The following FBXL13 variants were observed in gnomAD, a reference collection of about 807,000 sequenced individuals.
The protein encoded by FBXL13 is F-box and leucine-rich repeat protein 13.
A neutral mutation model predicts 83.6 loss-of-function variants in FBXL13; 67 were observed. The ratio of observed to expected loss-of-function variants is 0.80; its 90% confidence interval spans 0.66 to 0.98. The LOEUF (loss-of-function observed/expected upper bound fraction) is 0.98, where lower values mean the gene tolerates loss of function less well. Among genes scored for constraint, FBXL13 ranks in the 50% least tolerant of loss-of-function variants. FBXL13 has a pLI of 0.00. For synonymous variants in FBXL13, 272 were observed against 299.5 expected, an observed-to-expected ratio of 0.91 and a Z score of 0.95; for missense variants, 822 against 866.5, an observed-to-expected ratio of 0.95 and a Z score of 0.64.
intron 8 of FBXL13, among the ~76,000 whole-genome samples, chr7:102,950,781 C>T (rs1216856562): frequency 6.6e-6 from 1 of 152,118 alleles, no homozygotes; most frequent in African/African-American, 2.4e-5. Context: ...ATGATTCCAA[C>T]TATATGACAT....
At chr7:102,827,010 T>C in intron 18 of FBXL13, 1 of 375,172 alleles carries the variant, frequency 2.7e-6, no homozygotes, top group Admixed American at 2.5e-5. Flanking sequence ...ACAAATGCTT[T>C]GCAGCTACTG....
intron 1 of FBXL13, among the ~76,000 whole-genome samples, chr7:103,058,559 C>T (rs1296484063): frequency 6.6e-6 from 1 of 152,224 alleles, no homozygotes; most frequent in Non-Finnish European, 1.5e-5. Context: ...GCCTGGGTCT[C>T]CAGAGTACTG....
At chr7:102,959,816 T>G (rs1414005348) in intron 8 of FBXL13, among the ~76,000 whole-genome samples, 1 of 151,966 alleles carries the variant, frequency 6.6e-6, no homozygotes, top group Admixed American at 6.6e-5. Flanking sequence ...GTCCATCAAA[T>G]AGAAGAAGGT....
At chr7:102,905,062 C>T (rs919562909) in intron 11 of FBXL13, among the ~76,000 whole-genome samples, 1 of 151,434 alleles carries the variant, frequency 6.6e-6, no homozygotes, top group Non-Finnish European at 1.5e-5. Flanking sequence ...GATCCATGTC[C>T]TGAGGAAAAG....
chr7:102,856,242 A>G (rs1433295931), intron 16 of FBXL13, among the ~76,000 whole-genome samples: 1 of 152,218 alleles, frequency 6.6e-6, no homozygotes, highest in Non-Finnish European at 1.5e-5. Context: ...GAGCCATCAC[A>G]TGTGGTCTGG....
exon 14 of FBXL13, chr7:102,883,349 T>G: frequency 6.2e-7 from 1 of 1,613,506 alleles, no homozygotes; most frequent in Non-Finnish European, 8.5e-7. Flanking sequence ...GCTTCAAAGG[T>G]GAAAGGGATC....
chr7:103,037,759 A>G (rs758672392), intron 2 of FBXL13, among the ~76,000 whole-genome samples: 8 of 152,050 alleles, frequency 5.3e-5, no homozygotes, highest in Non-Finnish European at 1.2e-4. Flanking sequence ...ATGAACTATG[A>G]TCATGCCACT....
chr7:102,878,458 A>T lies in FBXL13; in HGVS notation c.1389-8T>A, dbSNP rs1809557605. ...AGTCCCATATCACCAATTCTGTAGG[A>T]AAGAGAGAAAAATTTTACATGTGAT... On this transcript the variant is annotated splice_polypyrimidine_tract_variant and splice_region_variant and intron_variant, in intron 14 of 19. Coordinates refer to ENST00000313221, the Ensembl canonical transcript of FBXL13. 6.4e-7 allele frequency: 1 copy of T among 1,561,202 alleles called. No individual in the cohort carries two copies. Among genetic ancestry groups the T allele is most frequent in the African/African-American group, 1.5e-5 (1 of 66,748 alleles).
chr7:103,063,712 C>CTTT (rs34739663), intron 1 of FBXL13, among the ~76,000 whole-genome samples: 1,107 of 101,724 alleles, frequency 0.011, 62 homozygotes, highest in African/African-American at 0.035. Context: ...CAAACTTAGG[C>CTTT]TTTTTTTTTT....
At chr7:102,870,724 G>A (rs1326362818) in intron 16 of FBXL13, among the ~76,000 whole-genome samples, 1 of 152,096 alleles carries the variant, frequency 6.6e-6, no homozygotes, top group Non-Finnish European at 1.5e-5. Context: ...TGGTAGACAG[G>A]GGTTTCTTTA....
chr7:103,062,017 A>G (rs1797963080), intron 1 of FBXL13, among the ~76,000 whole-genome samples: 1 of 121,358 alleles, frequency 8.2e-6, no homozygotes, highest in Non-Finnish European at 1.7e-5. Context: ...CAGAAAAATC[A>G]TAATTACCAA....
At chr7:102,820,741 C>T (rs995342209) in intron 19 of FBXL13, among the ~76,000 whole-genome samples, 5 of 152,204 alleles carry the variant, frequency 3.3e-5, no homozygotes, top group Admixed American at 6.5e-5. Flanking sequence ...CTAGCTCATC[C>T]TTTTATCAGG....
intron 2 of FBXL13, among the ~76,000 whole-genome samples, chr7:103,039,349 A>G (rs1795415180): frequency 6.6e-6 from 1 of 152,364 alleles, no homozygotes; most frequent in East Asian, 1.9e-4. Flanking sequence ...TATACATTTG[A>G]TTGGTGTACT....
chr7:102,901,006 T>G (rs1812900826), intron 11 of FBXL13, among the ~76,000 whole-genome samples: 1 of 152,216 alleles, frequency 6.6e-6, no homozygotes, highest in Admixed American at 6.5e-5. Flanking sequence ...TGCGATTAAG[T>G]GGTAGCAGTC....
chr7:102,841,249 GT>G (rs75520364), intron 17 of FBXL13, among the ~76,000 whole-genome samples: 4,745 of 145,426 alleles, frequency 0.033, 191 homozygotes, highest in East Asian at 0.16. Flanking sequence ...CAATCTGACA[GT>G]TTTTTTTTTT....
intron 11 of FBXL13, among the ~76,000 whole-genome samples, chr7:102,912,410 A>G (rs1265947130): frequency 2.0e-5 from 3 of 152,194 alleles, no homozygotes; most frequent in Non-Finnish European, 4.4e-5. Flanking sequence ...AAGTTAAAAG[A>G]ATTATGGCTT....
intron 6 of FBXL13, among the ~76,000 whole-genome samples, chr7:102,980,216 AC>A (rs1828020265): frequency 6.6e-6 from 1 of 152,256 alleles, no homozygotes; most frequent in African/African-American, 2.4e-5. Flanking sequence ...TTGAAAACTT[AC>A]TACAAAGATA....
rs765280654 is a variant in FBXL13, at chr7:102,926,342, G to A, written c.810C>T (p.Cys270=). 6.2e-6 allele frequency: 10 copies of A among 1,613,726 alleles called. No homozygotes were observed. In the African/African-American group the frequency reaches 1.2e-4, roughly 19 times the overall value. The change falls in exon 10 of 20, where the codon TGC becomes TGT. Residue 270 remains cysteine (C), a synonymous_variant. Transcript: ENST00000313221. ...ACAGATTGAGACACAGGACCCCCGGGCAGCCCTCAGAAATGTGTCTCATTG... is the reference window on the plus strand; with the variant it reads ...ACAGATTGAGACACAGGACCCCCGGACAGCCCTCAGAAATGTGTCTCATTG...
At chr7:103,052,069 G>A (rs972318422) in intron 2 of FBXL13, among the ~76,000 whole-genome samples, 1 of 152,178 alleles carries the variant, frequency 6.6e-6, no homozygotes, top group African/African-American at 2.4e-5. Flanking sequence ...GCAGAACTGT[G>A]TAGTGTAAGA....
Sources: gnomAD v4.1 joint callset for allele counts (sites outside exome capture counted in the v4.1 genomes callset) on GRCh38, gnomAD v4.1.1 for gene constraint, MANE v1.5 for transcripts, NCBI Gene and HGNC (gene_info 2026-07-23, HGNC 2026-07-21) for gene names.